Variants in CA10 observed in about 807,000 individuals in gnomAD.
CA10 encodes the protein carbonic anhydrase 10 (inactive).
A neutral mutation model predicts 44.2 loss-of-function variants in CA10; 14 were observed. The observed-to-expected ratio is 0.32, with a 90% CI of 0.21 to 0.50. CA10 has a LOEUF of 0.50. Among genes scored for constraint, CA10 ranks in the 20% least tolerant of loss-of-function variants. The pLI is 0.99. For synonymous variants in CA10, 159 were observed against 141.6 expected (o/e 1.12, Z -0.87); for missense variants, 350 against 409.7 (o/e 0.85, Z 1.26).
At chr17:52,064,091 A>G (rs2907790) in intron 2 of CA10, among the ~76,000 whole-genome samples, 150,982 of 152,342 alleles carry the variant, frequency 0.99, 74,832 homozygotes, top group East Asian at 1. Context: ...TAAAGTAAGT[A>G]AGGCACTTTC....
intron 1 of CA10, among the ~76,000 whole-genome samples, chr17:52,124,499 T>A (rs1989077409): frequency 6.6e-6 from 1 of 152,192 alleles, no homozygotes; most frequent in Non-Finnish European, 1.5e-5. Flanking sequence ...ATATAAGTCA[T>A]GTAAGAAGGT....
intron 1 of CA10, among the ~76,000 whole-genome samples, chr17:52,079,616 C>G (rs1393197441): frequency 6.6e-6 from 1 of 152,232 alleles, no homozygotes; most frequent in South Asian, 2.1e-4. Flanking sequence ...TAGTCTCTAT[C>G]CAAAGACTTG....
At chr17:51,779,926 C>G (rs1028198950) in intron 3 of CA10, among the ~76,000 whole-genome samples, 3 of 152,196 alleles carry the variant, frequency 2.0e-5, no homozygotes, top group Admixed American at 6.5e-5. Flanking sequence ...TCAGCCACCC[C>G]TTTCTGGCTT....
intron 1 of CA10, among the ~76,000 whole-genome samples, chr17:52,076,384 T>G (rs1987820335): frequency 6.6e-6 from 1 of 152,176 alleles, no homozygotes; most frequent in African/African-American, 2.4e-5. Flanking sequence ...GAAGCAGAAC[T>G]ATGTAAGATT....
chr17:52,118,420 T>C (rs750015795), intron 1 of CA10, among the ~76,000 whole-genome samples: 4 of 152,320 alleles, frequency 2.6e-5, no homozygotes, highest in Admixed American at 6.5e-5. Flanking sequence ...AAATAACTTA[T>C]GGTAATCTGA....
chr17:51,831,704 A>AGCGGCGGCG (rs1567854617), intron 3 of CA10, among the ~76,000 whole-genome samples: 2 of 148,656 alleles, frequency 1.3e-5, no homozygotes, highest in African/African-American at 5.0e-5. Flanking sequence ...CAGCAGCAGC[A>AGCGGCGGCG]GCAGCAGCAG....
chr17:51,785,309 A>T (rs1906225889), intron 3 of CA10, among the ~76,000 whole-genome samples: 1 of 152,244 alleles, frequency 6.6e-6, no homozygotes, highest in Non-Finnish European at 1.5e-5. Context: ...TAAAGAGTTC[A>T]AATAACTCTA....
At chr17:51,945,437 T>C (rs1372274011) in intron 2 of CA10, among the ~76,000 whole-genome samples, 1 of 152,092 alleles carries the variant, frequency 6.6e-6, no homozygotes, top group Non-Finnish European at 1.5e-5. Flanking sequence ...TGTCATCTAA[T>C]GCTAAATTCA....
chr17:51,696,856 C>T (rs1915419914), intron 4 of CA10, among the ~76,000 whole-genome samples: 2 of 152,118 alleles, frequency 1.3e-5, no homozygotes, highest in Admixed American at 6.5e-5. Context: ...CAGCAAAAAA[C>T]AAACATATAG....
chr17:51,914,375 A>C (rs1981909244), intron 3 of CA10, among the ~76,000 whole-genome samples: 1 of 152,212 alleles, frequency 6.6e-6, no homozygotes, highest in African/African-American at 2.4e-5. Context: ...TTCAGTGATG[A>C]CAACTATCTT....
chr17:51,733,357 G>A (rs1223633297), intron 4 of CA10, among the ~76,000 whole-genome samples: 5 of 152,128 alleles, frequency 3.3e-5, no homozygotes, highest in Non-Finnish European at 7.3e-5. Flanking sequence ...GTTCCGTCTC[G>A]TTTCCAGTTT....
At chr17:52,142,602 T>C (rs994223527) in intron 1 of CA10, among the ~76,000 whole-genome samples, 21 of 152,162 alleles carry the variant, frequency 1.4e-4, no homozygotes, top group Admixed American at 1.4e-3. Context: ...TATATAAAAT[T>C]ACAGCAGACA....
intron 4 of CA10, among the ~76,000 whole-genome samples, chr17:51,692,113 C>T (rs1915216474): frequency 6.6e-6 from 1 of 151,000 alleles, no homozygotes; most frequent in South Asian, 2.1e-4. Context: ...AATATTAATT[C>T]TTCCAGCTCA....
intron 1 of CA10, among the ~76,000 whole-genome samples, chr17:52,111,600 GC>G (rs1209278938): frequency 2.6e-5 from 4 of 152,064 alleles, no homozygotes; most frequent in Non-Finnish European, 4.4e-5. Flanking sequence ...TGTATCAGCA[GC>G]CTTACACTCT....
chr17:51,634,123 C>T (rs1291579241), intron 7 of CA10, among the ~76,000 whole-genome samples: 1 of 152,142 alleles, frequency 6.6e-6, no homozygotes, highest in Admixed American at 6.5e-5. Context: ...TGTTTGCAGC[C>T]ATGTTCTGCC....
intron 4 of CA10, among the ~76,000 whole-genome samples, chr17:51,678,214 G>A (rs1441654711): frequency 6.6e-6 from 1 of 152,170 alleles, no homozygotes; most frequent in East Asian, 1.9e-4. Flanking sequence ...AGCTGGGGAA[G>A]GGAGAAATGG....
At chr17:51,853,916 CAATT>C (rs1978920330) in intron 3 of CA10, among the ~76,000 whole-genome samples, 1 of 152,156 alleles carries the variant, frequency 6.6e-6, no homozygotes, top group Admixed American at 6.6e-5. Context: ...AACTGTGAGT[CAATT>C]AAACCTCTTT....
Position 51,642,999 on chromosome 17 carries a change from G to T in CA10, c.634+6183C>A, listed in dbSNP as rs542332272. 2.0e-5 allele frequency among the ~76,000 whole-genome samples: 3 copies of T among 152,270 alleles called. No homozygotes were observed. The South Asian group carries it at 6.2e-4, about 32-fold the overall frequency. On this transcript the variant is annotated intron_variant, in intron 6 of 8. Coordinates refer to ENST00000451037, the MANE Select transcript of CA10 (RefSeq NM_020178.5). The stretch of plus-strand genomic sequence containing the variant: ...CGTTTGGATTCTTATTGGACTAAAT[G>T]AATGGGGGCATGCGACACTGAAGGA...
chr17:51,776,300 G>A (rs1465682316), intron 3 of CA10, among the ~76,000 whole-genome samples: 1 of 152,130 alleles, frequency 6.6e-6, no homozygotes, highest in Non-Finnish European at 1.5e-5. Context: ...GCTTGAACCT[G>A]GGAGATGGAG....
Sources: allele counts gnomAD v4.1 joint callset (sites outside exome capture counted in the v4.1 genomes callset), GRCh38; gene constraint gnomAD v4.1.1; transcripts MANE v1.5; gene names NCBI Gene and HGNC (gene_info 2026-07-23, HGNC 2026-07-21).